The following SCAF11 variants were observed in gnomAD, a reference collection of about 807,000 sequenced individuals.
The protein encoded by SCAF11 is protein SCAF11.
A neutral mutation model predicts 140.5 loss-of-function variants in SCAF11; 47 were observed. The ratio of observed to expected loss-of-function variants is 0.33; its 90% CI spans 0.26 to 0.43. SCAF11 has a LOEUF of 0.43. Ranked by LOEUF, SCAF11 falls within the 20% of genes least tolerant of loss-of-function variation. SCAF11 has a pLI of 1.00. For synonymous variants in SCAF11, 557 were observed against 579.4 expected (o/e 0.96, Z 0.55); for missense variants, 1,645 against 1,705.1 (o/e 0.96, Z 0.62).
chr12:45,969,757 G>A (rs1946031514), intron 1 of SCAF11, among the ~76,000 whole-genome samples: 1 of 152,196 alleles, frequency 6.6e-6, no homozygotes, highest in Non-Finnish European at 1.5e-5. Context: ...TGTTTTAAGA[G>A]AAACAGTCTT....
intron 2 of SCAF11, among the ~76,000 whole-genome samples, chr12:45,962,205 T>C (rs1052562727): frequency 6.6e-6 from 1 of 152,156 alleles, no homozygotes; most frequent in African/African-American, 2.4e-5. Context: ...GTGTTCTTCC[T>C]AGGAATTTTT....
chr12:45,948,771 CAG>C (rs1945483384), intron 4 of SCAF11, among the ~76,000 whole-genome samples: 1 of 152,046 alleles, frequency 6.6e-6, no homozygotes, highest in Middle Eastern at 3.2e-3. Context: ...GTGCTTATAA[CAG>C]AGATATGAAC....
At chr12:45,977,040 A>C (rs1396024110) in intron 1 of SCAF11, among the ~76,000 whole-genome samples, 1 of 152,080 alleles carries the variant, frequency 6.6e-6, no homozygotes, top group African/African-American at 2.4e-5. Context: ...AGGCCCACAT[A>C]ATTTCCCTGG....
Position 45,926,654 on chromosome 12 carries a change from T to G in SCAF11, c.3047A>C (p.His1016Pro). 2.5e-6 allele frequency: 4 copies of G among 1,614,000 alleles called. No individual in the cohort carries two copies. The highest frequency in any genetic ancestry group is 1.6e-4 in the Middle Eastern group (1 of 6,062). Residue 1016 changes from histidine (H) to proline (P), a missense_variant, in exon 11 of 15, where the codon CAT becomes CCT. Transcript: ENST00000369367. ...DADDPNSADK[H>P]RNDCPNWITE... ...TATCCAATTGGGACAGTCATTTCTA[T>G]GTTTGTCAGCAGAATTTGGATCATC... is the stretch of plus-strand genomic sequence containing the variant.
At chr12:45,951,972 C>T (rs1220262302) in intron 3 of SCAF11, among the ~76,000 whole-genome samples, 1 of 152,016 alleles carries the variant, frequency 6.6e-6, no homozygotes, top group East Asian at 1.9e-4. Flanking sequence ...ATATGCTGCC[C>T]GGTTGAGAAC....
intron 1 of SCAF11, chr12:45,974,386 C>CA (rs1348177072): frequency 1.1e-5 from 4 of 354,706 alleles, no homozygotes; most frequent in African/African-American, 8.6e-5. Context: ...ACTCCTTTCA[C>CA]AAAAAATTTC....
At chr12:45,944,579 C>T (rs981294877) in intron 6 of SCAF11, among the ~76,000 whole-genome samples, 6 of 152,182 alleles carry the variant, frequency 3.9e-5, no homozygotes, top group African/African-American at 1.4e-4. Flanking sequence ...CCCACCTCCT[C>T]GCTTACAAAC....
chr12:45,962,458 A>G (rs1227596766), intron 2 of SCAF11, among the ~76,000 whole-genome samples: 1 of 152,226 alleles, frequency 6.6e-6, no homozygotes, highest in Non-Finnish European at 1.5e-5. Flanking sequence ...GTGTGTATAC[A>G]TTTGTATTAT....
chr12:45,989,983 C>A lies in SCAF11; in HGVS notation c.-22+370G>T, dbSNP rs867225184. On this transcript the variant is annotated intron_variant, in intron 1 of 14. Transcript: ENST00000369367. ...TCTGGCGTGGAGCCCCTTCCCCCCC[C>A]CCCGTAGGACCCTGCACCCGGACGG... Among the ~76,000 whole-genome samples the A allele has an allele frequency of 5.9e-4, 90 of 152,038 alleles. 1 individual carries two copies. Among genetic ancestry groups the A allele is most frequent in the African/African-American group, 2.0e-3 (84 of 41,504 alleles).
In SCAF11 at chr12:45,922,204, A is replaced by C. The variant is rs753724763; in HGVS notation, c.4246-10T>G. 6.3e-7 allele frequency: 1 copy of C among 1,594,556 alleles called. No individual in the cohort carries two copies. The highest frequency in any genetic ancestry group is 8.5e-7 in the Non-Finnish European group (1 of 1,175,112). ...TCTTACTATGACAAACCTAAGAAAA[A>C]AGGGGTGGGGGGTAAACTTTTTTCA... On this transcript the variant is annotated splice_polypyrimidine_tract_variant and intron_variant, in intron 14 of 14. Transcript: ENST00000369367.
At chr12:45,944,702 C>T (rs1945378204) in intron 6 of SCAF11, among the ~76,000 whole-genome samples, 1 of 152,152 alleles carries the variant, frequency 6.6e-6, no homozygotes, top group South Asian at 2.1e-4. Flanking sequence ...GCAAAGCCTT[C>T]CTGTGTATTA....
chr12:45,970,934 A>G (rs951573590), intron 1 of SCAF11, among the ~76,000 whole-genome samples: 1 of 152,234 alleles, frequency 6.6e-6, no homozygotes, highest in Non-Finnish European at 1.5e-5. Flanking sequence ...GTCACCTCAC[A>G]CTATGCTCTA....
At chr12:45,957,644 G>C (rs1381545033) in intron 3 of SCAF11, among the ~76,000 whole-genome samples, 1 of 151,964 alleles carries the variant, frequency 6.6e-6, no homozygotes, top group Non-Finnish European at 1.5e-5. Flanking sequence ...AGAATAATCT[G>C]CTTATAATGG....
chr12:45,958,292 T>C (rs1329244976), intron 3 of SCAF11, among the ~76,000 whole-genome samples: 12 of 152,216 alleles, frequency 7.9e-5, no homozygotes, highest in Admixed American at 7.9e-4. Flanking sequence ...ACTACTACAA[T>C]GTGTGTCAAG....
chr12:45,985,128 C>T (rs1438600977), intron 1 of SCAF11, among the ~76,000 whole-genome samples: 1 of 152,180 alleles, frequency 6.6e-6, no homozygotes, highest in Non-Finnish European at 1.5e-5. Flanking sequence ...GATTTGGATG[C>T]TCTAATTATT....
Position 45,922,099 on chromosome 12 carries a change from G to T in SCAF11, c.4341C>A (p.Ser1447Arg). The T allele has an allele frequency of 6.2e-7, 1 of 1,612,982 alleles. No homozygotes were observed. The highest frequency in any genetic ancestry group is 8.5e-7 in the Non-Finnish European group (1 of 1,179,702). ...CAGGTTCTTCCAGAGTTTTCTTTTG[G>T]CTCCCCTTCCGTGAATATTTGTATT... ...VDKYKYSRKG[S>R]QKKTLEEPVS... The change falls in exon 15 of 15, where the codon AGC (serine) becomes AGA (arginine). Residue 1447 changes from serine (S) to arginine (R), a missense_variant. Around this residue, in one of 2 missense-constraint regions of SCAF11, gnomAD observed 63 missense variants for 95.9 expected, o/e 0.66. Coordinates refer to ENST00000369367, the MANE Select transcript of SCAF11 (RefSeq NM_004719.3).
chr12:45,934,275 G>T lies in SCAF11; in HGVS notation c.533C>A (p.Ser178Ter). ...AAIKINKPQRSNWSTNQCFRN... is the reference protein window; with the variant it reads ...AAIKINKPQR ...GAAGCACTGATTTGTACTCCAATTT[G>T]ATCTCTGAGGCTAGAAAAGTAAAAA... The change falls in exon 8 of 15, where the codon TCA becomes TAA. Residue 178 changes from serine (S) to a stop codon, truncating the protein, a stop_gained. Coordinates refer to ENST00000369367, the MANE Select transcript of SCAF11 (RefSeq NM_004719.3). LOFTEE classifies it high-confidence loss of function. 1.9e-6 allele frequency: 3 copies of T among 1,605,790 alleles called. No homozygotes were observed. The South Asian group carries it at 3.3e-5, about 18-fold the overall frequency.
rs1944749354 is a variant in SCAF11, at chr12:45,922,933, T to C, written c.4125+3A>G. 1 of 1,613,846 alleles carries C rather than the reference T, an allele frequency of 6.2e-7. No homozygotes were observed. Among genetic ancestry groups the C allele is most frequent in the Non-Finnish European group, 8.5e-7 (1 of 1,179,678 alleles). ...TGAAGGTTGCTCTCAACCTTGAACT[T>C]GCCTTGTCTGTCTTCGAGCTATCTG... On this transcript the variant is annotated splice_donor_region_variant and intron_variant, in intron 13 of 14. Coordinates refer to ENST00000369367, the MANE Select transcript of SCAF11 (RefSeq NM_004719.3).
At chr12:45,967,572 A>C (rs531490852) in intron 1 of SCAF11, among the ~76,000 whole-genome samples, 1 of 152,186 alleles carries the variant, frequency 6.6e-6, no homozygotes, top group East Asian at 1.9e-4. Context: ...TGAACCCAGG[A>C]GGCGGAGGTT....
Sources: allele counts gnomAD v4.1 joint callset (sites outside exome capture counted in the v4.1 genomes callset), GRCh38; gene constraint gnomAD v4.1.1; regional missense constraint gnomAD v4.1.1; transcripts MANE v1.5; gene names NCBI Gene and HGNC (gene_info 2026-07-23, HGNC 2026-07-21).